The following TAS2R1 variants were observed in gnomAD, a reference collection of about 807,000 sequenced individuals.
TAS2R1 encodes the protein taste 2 receptor member 1.
For missense variants in TAS2R1, 370 were observed against 353.4 expected, an observed-to-expected ratio of 1.05 and a Z score of -0.38; for synonymous variants, 141 against 134.2, an observed-to-expected ratio of 1.05 and a Z score of -0.35.
At chr5:9,839,118 AGG>A in the TAS2R1 span, among the ~76,000 whole-genome samples, 2 of 152,220 alleles carry the variant, frequency 1.3e-5, no homozygotes, top group Non-Finnish European at 2.9e-5. Context: ...CGCAGCCGCT[AGG>A]GTAAAGAGGG....
At chr5:9,631,982 T>A (rs140480282), upstream of TAS2R1, among the ~76,000 whole-genome samples, 1,092 of 152,298 alleles carry the variant, frequency 7.2e-3, 20 homozygotes, top group African/African-American at 0.025. Context: ...GCCAGGAGGA[T>A]GAGCCTTGTT....
At chr5:9,706,435 CT>C (rs762870208) in intron 1 of TAS2R1, among the ~76,000 whole-genome samples, 10 of 152,230 alleles carry the variant, frequency 6.6e-5, no homozygotes, top group Non-Finnish European at 1.2e-4. Context: ...AATTCCCAGA[CT>C]CTCAGAGGCC....
At chr5:9,646,854 A>C (rs1006440792) in intron 2 of TAS2R1, among the ~76,000 whole-genome samples, 1 of 152,166 alleles carries the variant, frequency 6.6e-6, no homozygotes, top group Admixed American at 6.5e-5. Flanking sequence ...TGTGTGGGTA[A>C]AGATAGGGAT....
the TAS2R1 span, among the ~76,000 whole-genome samples, chr5:9,783,938 G>T: frequency 6.6e-6 from 1 of 152,132 alleles, no homozygotes; most frequent in Admixed American, 6.5e-5. Flanking sequence ...GCGCTACCTG[G>T]ATTCACATCC....
At chr5:9,814,269 A>T in the TAS2R1 span, among the ~76,000 whole-genome samples, 17 of 152,124 alleles carry the variant, frequency 1.1e-4, no homozygotes, top group South Asian at 2.1e-4. Context: ...TTGTTAATTG[A>T]TACATTTATG....
chr5:9,716,687 T>G (rs1734819721), upstream of TAS2R1, among the ~76,000 whole-genome samples: 1 of 152,118 alleles, frequency 6.6e-6, no homozygotes, highest in South Asian at 2.1e-4. Flanking sequence ...ACAGAATTCC[T>G]CATAAGCTGA....
At chr5:9,877,258 C>G in the TAS2R1 span, among the ~76,000 whole-genome samples, 1 of 152,134 alleles carries the variant, frequency 6.6e-6, no homozygotes, top group Admixed American at 6.5e-5. Flanking sequence ...GGGTTTTCTC[C>G]CCAAACCATG....
chr5:9,792,143 T>G, the TAS2R1 span, among the ~76,000 whole-genome samples: 1 of 152,178 alleles, frequency 6.6e-6, no homozygotes, highest in Non-Finnish European at 1.5e-5. Flanking sequence ...GATCTGGAAC[T>G]TTTTTCTACT....
chr5:9,677,637 T>C (rs1740901555), intron 1 of TAS2R1, among the ~76,000 whole-genome samples: 1 of 152,144 alleles, frequency 6.6e-6, no homozygotes, highest in Admixed American at 6.6e-5. Flanking sequence ...ACTACACACC[T>C]ATTAGAGTGG....
chr5:9,679,090 T>A (rs1025102387), intron 1 of TAS2R1, among the ~76,000 whole-genome samples: 4 of 152,094 alleles, frequency 2.6e-5, no homozygotes, highest in African/African-American at 9.7e-5. Context: ...TATTACTAAG[T>A]GAAATGAGCC....
the TAS2R1 span, among the ~76,000 whole-genome samples, chr5:9,748,301 C>T: frequency 4.6e-5 from 7 of 152,076 alleles, no homozygotes; most frequent in South Asian, 2.1e-4. Context: ...GGCACAATCG[C>T]GGCTCACTGC....
At chr5:9,830,376 A>G in the TAS2R1 span, among the ~76,000 whole-genome samples, 1 of 151,846 alleles carries the variant, frequency 6.6e-6, no homozygotes, top group Admixed American at 6.6e-5. Flanking sequence ...AGATAGGTGG[A>G]TGATAGGTAT....
upstream of TAS2R1, among the ~76,000 whole-genome samples, chr5:9,633,288 TG>T (rs1419266015): frequency 1.0e-3 from 63 of 62,216 alleles, no homozygotes; most frequent in East Asian, 5.3e-3. Context: ...TGTGTGTGTG[TG>T]TATATTATAT....
At chr5:9,719,866 C>T in the TAS2R1 span, among the ~76,000 whole-genome samples, 4 of 141,588 alleles carry the variant, frequency 2.8e-5, no homozygotes, top group Non-Finnish European at 6.0e-5. Context: ...TGCAGTGAGC[C>T]GAGATCGCAC....
the TAS2R1 span, among the ~76,000 whole-genome samples, chr5:9,838,083 C>A: frequency 6.6e-6 from 1 of 152,112 alleles, no homozygotes; most frequent in Non-Finnish European, 1.5e-5. Flanking sequence ...CAGAGACAAC[C>A]CCCCCAGGGC....
the TAS2R1 span, chr5:9,884,102 T>C: frequency 6.6e-6 from 1 of 152,144 alleles, no homozygotes; most frequent in Non-Finnish European, 1.5e-5. Context: ...ACTCCTGTGA[T>C]AACTAACACA....
At chr5:9,731,724 G>C in the TAS2R1 span, among the ~76,000 whole-genome samples, 1 of 152,220 alleles carries the variant, frequency 6.6e-6, no homozygotes, top group African/African-American at 2.4e-5. Flanking sequence ...TACTCCATGT[G>C]TGTCTTTTTG....
At chr5:9,888,343 C>CA in the TAS2R1 span, among the ~76,000 whole-genome samples, 8 of 151,908 alleles carry the variant, frequency 5.3e-5, no homozygotes, top group South Asian at 1.0e-3. Flanking sequence ...AGTGCATCTC[C>CA]AAAAAAAATT....
intron 1 of TAS2R1, among the ~76,000 whole-genome samples, chr5:9,680,892 A>C (rs1740981130): frequency 6.6e-6 from 1 of 151,854 alleles, no homozygotes; most frequent in African/African-American, 2.4e-5. Context: ...GTCTCTACTA[A>C]AAATAAAAAA....
Sources: allele counts gnomAD v4.1 joint callset (sites outside exome capture counted in the v4.1 genomes callset), GRCh38; gene constraint gnomAD v4.1.1; transcripts MANE v1.5; gene names NCBI Gene and HGNC (gene_info 2026-07-23, HGNC 2026-07-21).